Variants in IL1RAPL1 observed in about 807,000 individuals in gnomAD.
IL1RAPL1 encodes the protein interleukin-1 receptor accessory protein-like 1.
In IL1RAPL1, 3 loss-of-function variants were observed where a neutral mutation model predicts 48.4. The ratio of observed to expected loss-of-function variants is 0.06; its 90% CI spans 0.03 to 0.16. The LOEUF is 0.16. IL1RAPL1 is among the 10% of genes least tolerant of loss of function. The pLI is 1.00. For missense variants in IL1RAPL1, 349 were observed against 530.6 expected, an observed-to-expected ratio of 0.66 and a Z score of 3.36; for synonymous variants, 185 against 187.7, an observed-to-expected ratio of 0.99 and a Z score of 0.12.
At chrX:29,281,083 A>T (rs1193315304) in intron 2 of IL1RAPL1, among the ~76,000 whole-genome samples, 1 of 111,951 alleles carries the variant, frequency 8.9e-6, no homozygotes, top group Non-Finnish European at 1.9e-5. Flanking sequence ...GCTGTAATGT[A>T]CATCCTCCTT....
At chrX:28,829,981 G>C (rs1921007158) in intron 2 of IL1RAPL1, among the ~76,000 whole-genome samples, 1 of 111,123 alleles carries the variant, frequency 9.0e-6, no homozygotes, top group Non-Finnish European at 1.9e-5. Flanking sequence ...TTGCACTCTT[G>C]GGAAATATTC....
chrX:29,592,837 G>C (rs1166301585), intron 5 of IL1RAPL1, among the ~76,000 whole-genome samples: 2 of 111,878 alleles, frequency 1.8e-5, no homozygotes, highest in Non-Finnish European at 3.8e-5. Flanking sequence ...CAGTGAGGCA[G>C]TCCTCTCTCC....
At chrX:29,295,662 G>A (rs998507433) in intron 3 of IL1RAPL1, among the ~76,000 whole-genome samples, 6 of 111,396 alleles carry the variant, frequency 5.4e-5, no homozygotes, top group East Asian at 2.8e-4. Context: ...ATTTCAGAGC[G>A]GATGTATTGG....
chrX:29,102,886 CAAATA>C (rs936298418), intron 2 of IL1RAPL1, among the ~76,000 whole-genome samples: 8 of 110,445 alleles, frequency 7.2e-5, no homozygotes, highest in Non-Finnish European at 1.3e-4. Context: ...ACAATAGCTA[CAAATA>C]AAATAAAATA....
At chrX:29,948,398 A>G (rs1933251763) in intron 9 of IL1RAPL1, among the ~76,000 whole-genome samples, 1 of 111,900 alleles carries the variant, frequency 8.9e-6, no homozygotes, top group Admixed American at 9.5e-5. Context: ...AGGTTGTCAT[A>G]GCAGAATTGA....
intron 6 of IL1RAPL1, among the ~76,000 whole-genome samples, chrX:29,898,017 G>GAAAT (rs1932419840): frequency 9.0e-6 from 1 of 111,401 alleles, no homozygotes; most frequent in African/African-American, 3.3e-5. Flanking sequence ...TAAATGTTGG[G>GAAAT]AAATAAAGAC....
chrX:29,348,949 G>C (rs186691557), intron 3 of IL1RAPL1, among the ~76,000 whole-genome samples: 1 of 111,770 alleles, frequency 8.9e-6, no homozygotes, highest in East Asian at 2.8e-4. Flanking sequence ...TGAGTCTATG[G>C]AGGCCAAACC....
chrX:29,250,483 G>C (rs940243043), intron 2 of IL1RAPL1, among the ~76,000 whole-genome samples: 3 of 110,856 alleles, frequency 2.7e-5, no homozygotes, highest in African/African-American at 3.3e-5. Flanking sequence ...GTTTTTTAAG[G>C]CTTCTCATTA....
intron 2 of IL1RAPL1, among the ~76,000 whole-genome samples, chrX:29,100,339 A>G (rs892728438): frequency 1.1e-4 from 12 of 112,344 alleles, no homozygotes; most frequent in African/African-American, 3.6e-4. Context: ...CACAATGTGG[A>G]CAGGCAGCCT....
chrX:28,779,144 C>T (rs1936389952), intron 1 of IL1RAPL1, among the ~76,000 whole-genome samples: 1 of 111,639 alleles, frequency 9.0e-6, no homozygotes, highest in African/African-American at 3.2e-5. Flanking sequence ...TCTGTCTTCA[C>T]AGGCAAGCAT....
intron 2 of IL1RAPL1, among the ~76,000 whole-genome samples, chrX:29,033,899 G>GACAA (rs1555955233): frequency 7.8e-5 from 8 of 103,107 alleles, no homozygotes; most frequent in African/African-American, 2.8e-4. Flanking sequence ...CAAGAAATGG[G>GACAA]ACACACACAC....
At chrX:29,570,421 G>T (rs920458380) in intron 5 of IL1RAPL1, among the ~76,000 whole-genome samples, 4 of 112,189 alleles carry the variant, frequency 3.6e-5, no homozygotes, top group African/African-American at 1.3e-4. Context: ...ATGTGAAAAC[G>T]AAACAGTTTA....
At chrX:29,051,086 TCATATTATGA>T (rs1161671314) in intron 2 of IL1RAPL1, among the ~76,000 whole-genome samples, 2 of 112,084 alleles carry the variant, frequency 1.8e-5, no homozygotes, top group East Asian at 5.6e-4. Context: ...TTTTGGAAGG[TCATATTATGA>T]CATATAGCAA....
intron 2 of IL1RAPL1, among the ~76,000 whole-genome samples, chrX:28,990,295 T>A (rs1023297473): frequency 1.8e-5 from 2 of 111,857 alleles, no homozygotes; most frequent in Admixed American, 1.9e-4. Flanking sequence ...CCTCCAGCCT[T>A]CCTTTGAGAA....
At chrX:29,261,249 A>AT (rs927602597) in intron 2 of IL1RAPL1, among the ~76,000 whole-genome samples, 12 of 110,543 alleles carry the variant, frequency 1.1e-4, no homozygotes, top group African/African-American at 2.3e-4. Flanking sequence ...GATTGCTGTG[A>AT]TTTTTTTTAA....
At chrX:29,119,072 G>A (rs998664540) in intron 2 of IL1RAPL1, among the ~76,000 whole-genome samples, 1 of 110,157 alleles carries the variant, frequency 9.1e-6, no homozygotes, top group African/African-American at 3.3e-5. Context: ...TGAGTCTTTA[G>A]GATCATAGTT....
At chrX:28,748,016 C>G (rs1935999126) in intron 1 of IL1RAPL1, among the ~76,000 whole-genome samples, 2 of 112,139 alleles carry the variant, frequency 1.8e-5, no homozygotes, top group African/African-American at 6.5e-5. Flanking sequence ...CTAGTTCAAT[C>G]TAATCTATGG....
At chrX:28,921,814 G>A (rs1923622601) in intron 2 of IL1RAPL1, among the ~76,000 whole-genome samples, 1 of 112,264 alleles carries the variant, frequency 8.9e-6, no homozygotes, top group Non-Finnish European at 1.9e-5. Context: ...CTGGAAAGAG[G>A]TAACTGATTT....
intron 1 of IL1RAPL1, among the ~76,000 whole-genome samples, 154 bp downstream of exon 1, chrX:28,588,201 TTGATA>T (rs1933864656): frequency 1.9e-5 from 1 of 52,434 alleles, no homozygotes; most frequent in African/African-American, 1.0e-4. Context: ...GTTGGGTGTG[TTGATA>T]TGTGTGTGTG....
Sources: gnomAD v4.1 joint callset for allele counts (sites outside exome capture counted in the v4.1 genomes callset) on GRCh38, gnomAD v4.1.1 for gene constraint, MANE v1.5 for transcripts, NCBI Gene and HGNC (gene_info 2026-07-23, HGNC 2026-07-21) for gene names.